Variants in SCAF11 observed in about 807,000 individuals in gnomAD.
SCAF11 encodes the protein protein SCAF11.
In SCAF11, 47 loss-of-function variants were observed where a neutral mutation model predicts 140.5. The ratio of observed to expected loss-of-function variants is 0.33; its 90% CI spans 0.26 to 0.43. SCAF11 has a LOEUF of 0.43. SCAF11 is among the 20% of genes least tolerant of loss of function. The pLI, the probability that SCAF11 is intolerant of heterozygous loss-of-function variation, is 1.00. For missense variants in SCAF11, 1,645 were observed against 1,705.1 expected (o/e 0.96, Z 0.62); for synonymous variants, 557 against 579.4 (o/e 0.96, Z 0.55).
rs1944854909 is a variant in SCAF11, at chr12:45,926,235, C to T, written c.3466G>A (p.Ala1156Thr). 1 of 1,614,174 alleles carries T rather than the reference C, an allele frequency of 6.2e-7. No individual in the cohort carries two copies. Residue 1156 changes from alanine (A) to threonine (T), a missense_variant, in exon 11 of 15, where the codon GCA becomes ACA. By Grantham distance (58) the Ala-to-Thr change is moderately conservative. Transcript: ENST00000369367. ...SSWAVRKTLPADVQNYYSRRG... is the reference protein window; with the variant it reads ...SSWAVRKTLPTDVQNYYSRRG... The stretch of plus-strand genomic sequence containing the variant: ...CGTGAGTAGTAGTTTTGTACATCTG[C>T]TGGCAAAGTCTTTCTCACGGCCCAG...
chr12:45,935,912 T>G (rs1291891155), intron 6 of SCAF11, among the ~76,000 whole-genome samples: 2 of 152,122 alleles, frequency 1.3e-5, no homozygotes, highest in Non-Finnish European at 2.9e-5. Flanking sequence ...TCCACCCTAC[T>G]TGTCTGTTTT....
chr12:45,968,798 C>T (rs1046400882), intron 1 of SCAF11, among the ~76,000 whole-genome samples: 6 of 152,048 alleles, frequency 3.9e-5, no homozygotes, highest in African/African-American at 7.2e-5. Flanking sequence ...AAAAATTAGC[C>T]GGGCGTGGTG....
At chr12:45,988,065 G>A (rs1946501042) in intron 1 of SCAF11, among the ~76,000 whole-genome samples, 1 of 152,170 alleles carries the variant, frequency 6.6e-6, no homozygotes, top group Admixed American at 6.5e-5. Flanking sequence ...ACTACTAACA[G>A]TTATTACTGC....
chr12:45,932,796 C>G (rs933089018), intron 9 of SCAF11, among the ~76,000 whole-genome samples: 13 of 152,050 alleles, frequency 8.5e-5, no homozygotes, highest in African/African-American at 3.1e-4. Context: ...ATTCAGCGGA[C>G]AGCACGCAGG....
At chr12:45,949,282 C>T (rs1056736421) in intron 4 of SCAF11, among the ~76,000 whole-genome samples, 5 of 151,932 alleles carry the variant, frequency 3.3e-5, no homozygotes, top group East Asian at 1.9e-4. Context: ...GAATGTGGCT[C>T]GTCTAAATTG....
rs571448657 is a variant in SCAF11, at chr12:45,981,829, A to G, written c.-22+8524T>C. Among the ~76,000 whole-genome samples, 30 of 152,288 alleles carry G rather than the reference A, an allele frequency of 2.0e-4. No individual in the cohort carries two copies. In the East Asian group the frequency reaches 5.4e-3, roughly 27 times the overall value. On this transcript the variant is annotated intron_variant, in intron 1 of 14. Transcript: ENST00000369367. ...TCCCAAAAAAGGAAGAAAATAGAGG[A>G]ACAAACATTATTATATTAAATGTAA...
At chr12:45,980,893 C>T (rs1165935302) in intron 1 of SCAF11, among the ~76,000 whole-genome samples, 1 of 152,090 alleles carries the variant, frequency 6.6e-6, no homozygotes, top group East Asian at 1.9e-4. Context: ...CCAAAATACA[C>T]TAATAGGAAA....
chr12:45,956,766 T>TA (rs1945700076), intron 3 of SCAF11, among the ~76,000 whole-genome samples: 1 of 152,314 alleles, frequency 6.6e-6, no homozygotes, highest in Admixed American at 6.5e-5. Flanking sequence ...AGAAACTCAG[T>TA]AAACTACCCA....
At position 45,924,187 on chromosome 12, in the gene SCAF11, A is replaced by G. The variant is rs551193650; in HGVS notation, c.3906+541T>C. Reference sequence around the variant, plus strand: ...AGGCAGTCATAAAATTATAAGCAACAAATTGTTTGCAAATTATTCAAATTT... The same window carrying G: ...AGGCAGTCATAAAATTATAAGCAACGAATTGTTTGCAAATTATTCAAATTT... On this transcript the variant is annotated intron_variant, in intron 12 of 14. Transcript: ENST00000369367. Among the ~76,000 whole-genome samples, 192 of 152,314 alleles carry G rather than the reference A, an allele frequency of 1.3e-3. 1 individual carries two copies. The highest frequency in any genetic ancestry group is 2.0e-3 in the Admixed American group (31 of 15,310).
At position 45,948,548 on chromosome 12, in the gene SCAF11, A is replaced by G. The variant is rs887558489; in HGVS notation, c.298-11T>C. 3 of 1,517,636 alleles carry G rather than the reference A, an allele frequency of 2.0e-6. No individual in the cohort carries two copies. Among genetic ancestry groups the G allele is most frequent in the Admixed American group, 3.5e-5 (2 of 57,522 alleles). The allele number at this position is 1,517,636 out of a possible 1,614,324, so 94.0% of individuals were successfully genotyped here. ...TTTTTTTACTTGAACCTATGAGAAA[A>G]GCAAAATCAATTTAGAGCAACAATC... is the stretch of plus-strand genomic sequence containing the variant. On this transcript the variant is annotated splice_polypyrimidine_tract_variant and intron_variant, in intron 4 of 14. Coordinates refer to ENST00000369367, the MANE Select transcript of SCAF11 (RefSeq NM_004719.3).
chr12:45,991,487 G>A (rs371439632), upstream of SCAF11, among the ~76,000 whole-genome samples: 3 of 152,108 alleles, frequency 2.0e-5, no homozygotes, highest in African/African-American at 7.2e-5. Context: ...GCTTGAACCC[G>A]GGAGGCGGAG....
chr12:45,927,430 C>A lies in SCAF11; in HGVS notation c.2271G>T (p.Met757Ile), dbSNP rs753481941. ...TTTCATCCGCAAGATCAGAAGACGG[C>A]ATATTATTTTCAGAACAGTGTGTCA... ...NSVTHCSENN[M>I]PSSDLADEKV... is the part of the protein sequence containing the mutation. The change falls in exon 11 of 15, where the codon ATG (methionine) becomes ATT (isoleucine). Residue 757 changes from methionine to isoleucine, a missense_variant. Transcript: ENST00000369367. 2 of 1,613,520 alleles carry A rather than the reference C, an allele frequency of 1.2e-6. No individual in the cohort carries two copies. The highest frequency in any genetic ancestry group is 1.7e-6 in the Non-Finnish European group (2 of 1,179,826).
intron 1 of SCAF11, among the ~76,000 whole-genome samples, chr12:45,969,482 C>T (rs1367308460): frequency 2.0e-5 from 3 of 152,134 alleles, no homozygotes; most frequent in African/African-American, 7.2e-5. Flanking sequence ...TACCTACATC[C>T]TGGTTAATAC....
chr12:45,937,619 C>T (rs1945200202), intron 6 of SCAF11, among the ~76,000 whole-genome samples: 1 of 152,180 alleles, frequency 6.6e-6, no homozygotes, highest in South Asian at 2.1e-4. Flanking sequence ...TTGGGAGACT[C>T]TCAAATGACA....
At chr12:45,922,670 T>A (rs2136491099) in intron 13 of SCAF11, 88 bp from the exon 14 acceptor site, 3 of 1,299,950 alleles carry the variant, frequency 2.3e-6, no homozygotes, top group East Asian at 4.7e-5. Flanking sequence ...TACTTCATAT[T>A]TACAATAAGA....
chr12:45,958,701 A>G (rs1326654763), intron 3 of SCAF11, among the ~76,000 whole-genome samples: 2 of 152,208 alleles, frequency 1.3e-5, no homozygotes, highest in Non-Finnish European at 2.9e-5. Flanking sequence ...AGGGCAGGCA[A>G]TTAGGCTATG....
chr12:45,932,365 T>C (rs10880869), intron 9 of SCAF11, among the ~76,000 whole-genome samples: 25,378 of 151,974 alleles, frequency 0.17, 2,879 homozygotes, highest in Non-Finnish European at 0.25. Flanking sequence ...TAAGGTAAGA[T>C]TCTGGAGTAG....
At chr12:45,972,991 T>C (rs1319734951) in intron 1 of SCAF11, among the ~76,000 whole-genome samples, 2 of 141,014 alleles carry the variant, frequency 1.4e-5, no homozygotes, top group Non-Finnish European at 3.0e-5. Flanking sequence ...TATATAGATA[T>C]AGATATATAG....
At chr12:45,952,690 C>T (rs996940276) in intron 3 of SCAF11, among the ~76,000 whole-genome samples, 3 of 152,044 alleles carry the variant, frequency 2.0e-5, no homozygotes, top group East Asian at 3.8e-4. Flanking sequence ...AATGGGTTTA[C>T]ATTATTTAAA....
Sources: allele counts gnomAD v4.1 joint callset (sites outside exome capture counted in the v4.1 genomes callset), GRCh38; gene constraint gnomAD v4.1.1; transcripts MANE v1.5; gene names NCBI Gene and HGNC (gene_info 2026-07-23, HGNC 2026-07-21).